Variants in MDGA1 observed in about 807,000 individuals in gnomAD.
The protein encoded by MDGA1 is MAM domain containing glycosylphosphatidylinositol anchor 1, also known as MAM domain-containing glycosylphosphatidylinositol anchor protein 1.
MDGA1 carries 54 observed loss-of-function variants against 101.5 expected under a neutral mutation model. That is an observed-to-expected ratio of 0.53 (90% CI 0.43 to 0.67). The LOEUF is 0.67. Among genes scored for constraint, MDGA1 ranks in the 30% least tolerant of loss-of-function variants. The probability of loss-of-function intolerance (pLI) is 0.00; values close to 1 mark genes in which losing one functional copy is unlikely to be tolerated. For synonymous variants in MDGA1, 533 were observed against 558.3 expected (o/e 0.95, Z 0.64); for missense variants, 1,083 against 1,323.8 (o/e 0.82, Z 2.82).
In MDGA1 at chr6:37,646,339, C is replaced by A; in HGVS notation, c.2083G>T (p.Val695Phe). 6.4e-7 allele frequency: 1 copy of A among 1,574,764 alleles called. No homozygotes were observed. The highest frequency in any genetic ancestry group is 2.3e-5 in the East Asian group (1 of 43,666). The change falls in exon 11 of 17, where the codon GTC (valine) becomes TTC (phenylalanine). Residue 695 changes from valine (V) to phenylalanine (F), a missense_variant. Physicochemically the swap from Val to Phe is conservative, Grantham distance 50. Around this residue, in one of 3 missense-constraint regions of MDGA1, gnomAD observed 657 missense variants for 771.4 expected, o/e 0.85. Transcript: ENST00000434837. ...AGCTGCCCCTTCTCCACACGCCGGA[C>A]CGGGATGGCCTTGACCACCGCATTG... is the stretch of plus-strand genomic sequence containing the variant. ...QHNAVVKAIP[V>F]RRVEKGQLLE...
intron 3 of MDGA1, among the ~76,000 whole-genome samples, chr6:37,656,902 T>A (rs1344178186): frequency 6.6e-6 from 1 of 152,170 alleles, no homozygotes; most frequent in Non-Finnish European, 1.5e-5. Flanking sequence ...CTTGGCCCTG[T>A]TTGCCCAAGA....
In MDGA1 at chr6:37,636,449, A is replaced by G. The variant is rs894727015; in HGVS notation, c.*919T>C. The G allele has an allele frequency of 6.6e-6, 1 of 152,244 alleles. No homozygotes were observed. Among genetic ancestry groups the G allele is most frequent in the Non-Finnish European group, 1.5e-5 (1 of 68,044 alleles). The allele number at this position is 152,244 out of a possible 1,614,324, so 9.4% of individuals were successfully genotyped here. On this transcript the variant is annotated 3_prime_UTR_variant, in exon 17 of 17. Coordinates refer to ENST00000434837, the MANE Select transcript of MDGA1 (RefSeq NM_153487.4). ...TCATTGTCTGATATGGGGGCACCAA[A>G]TCACAGAAGCGGGACGTCTCTTCTG... is the stretch of plus-strand genomic sequence containing the variant.
rs1031607996 is a variant in MDGA1 at position 37,636,725 on chromosome 6, T to A, written c.*643A>T. The A allele has an allele frequency of 6.5e-6, 1 of 152,688 alleles. No individual in the cohort carries two copies. The highest frequency in any genetic ancestry group is 1.5e-5 in the Non-Finnish European group (1 of 68,082). 9.5% of individuals were successfully genotyped at this position (152,688 alleles called of 1,614,324 possible). A position where few individuals can be genotyped will look rare whatever the true frequency, so the allele number is the denominator to read the frequency against. Reference sequence around the variant, plus strand: ...CAGAAATAGGTCAAGGAATCTGGGGTGACCTATGGTCTCCACCATCCAGTG... The same window carrying A: ...CAGAAATAGGTCAAGGAATCTGGGGAGACCTATGGTCTCCACCATCCAGTG... On this transcript the variant is annotated 3_prime_UTR_variant, in exon 17 of 17. Coordinates refer to ENST00000434837, the MANE Select transcript of MDGA1 (RefSeq NM_153487.4).
In MDGA1 at chr6:37,649,049, G is replaced by A; in HGVS notation, c.1827C>T (p.Ser609=). Residue 609 remains serine (S), a synonymous_variant, in exon 9 of 17, where the codon AGC becomes AGT. Transcript: ENST00000434837. ...AGACGCTGCACTCGTAGCTGCCGCT[G>A]CTGTCGCGAGTTACGGCGTCGAGGC... is the stretch of plus-strand genomic sequence containing the variant. ...ELRLDAVTRD[S]SGSYECSVSN... is the part of the protein sequence containing the mutation. 6.5e-7 allele frequency: 1 copy of A among 1,544,736 alleles called. No individual in the cohort carries two copies. Among genetic ancestry groups the A allele is most frequent in the Non-Finnish European group, 8.7e-7 (1 of 1,145,366 alleles).
rs1309671712 is a variant in MDGA1 at position 37,654,290 on chromosome 6, G to A, written c.966C>T (p.Val322=). The A allele has an allele frequency of 6.4e-7, 1 of 1,554,802 alleles. No homozygotes were observed. The highest frequency in any genetic ancestry group is 8.7e-7 in the Non-Finnish European group (1 of 1,149,704). The change falls in exon 6 of 17, where the codon GTC becomes GTT. Residue 322 remains valine (V), a synonymous_variant. Transcript: ENST00000434837. ...NNVGNPAKKT[V]NLLVRSMKNA... is the part of the protein sequence containing the mutation. ...GCCACGTACATCGCACCAGCAGGTT[G>A]ACAGTCTTCTTGGCAGGGTTGCCCA...
At chr6:37,695,497 A>C (rs922963123) in intron 1 of MDGA1, among the ~76,000 whole-genome samples, 2 of 152,214 alleles carry the variant, frequency 1.3e-5, no homozygotes, top group African/African-American at 4.8e-5. Context: ...CCAGAGAATT[A>C]AGGCCAAGCC....
At chr6:37,654,725 G>C in intron 5 of MDGA1, 75 bp downstream of exon 5, 2 of 1,591,570 alleles carry the variant, frequency 1.3e-6, no homozygotes, top group South Asian at 2.3e-5. Flanking sequence ...TGGAGTCCCT[G>C]TGGGGTGGGG....
intron 1 of MDGA1, among the ~76,000 whole-genome samples, chr6:37,673,854 T>C (rs1224552604): frequency 6.6e-6 from 1 of 152,182 alleles, no homozygotes; most frequent in Non-Finnish European, 1.5e-5. Flanking sequence ...CAACAGACTT[T>C]TGGCCCATCC....
At chr6:37,683,468 A>G (rs560195131) in intron 1 of MDGA1, among the ~76,000 whole-genome samples, 1 of 152,244 alleles carries the variant, frequency 6.6e-6, no homozygotes, top group East Asian at 1.9e-4. Context: ...CCCTCTCCTA[A>G]ACACTTCAGT....
Position 37,649,076 on chromosome 6 carries a change from C to T in MDGA1, c.1800G>A (p.Leu600=), listed in dbSNP as rs1029676320. The change falls in exon 9 of 17, where the codon CTG becomes CTA. Residue 600 remains leucine, a synonymous_variant. Coordinates refer to ENST00000434837, the MANE Select transcript of MDGA1 (RefSeq NM_153487.4). The part of the protein sequence containing the change: ...AAAEAPDHAE[L]RLDAVTRDSS... ...TGTCGCGAGTTACGGCGTCGAGGCGCAGCTCCGCGTGATCCGGCGCCTCGG... is the reference window on the plus strand; with the variant it reads ...TGTCGCGAGTTACGGCGTCGAGGCGTAGCTCCGCGTGATCCGGCGCCTCGG... 1.7e-5 allele frequency: 26 copies of T among 1,536,944 alleles called. No individual in the cohort carries two copies. Among genetic ancestry groups the T allele is most frequent in the African/African-American group, 4.2e-5 (3 of 71,466 alleles).
Position 37,697,417 on chromosome 6 carries a change from T to C in MDGA1, c.-606A>G, listed in dbSNP as rs1301221068. ...TCCTGATCCGGGGAGCAGCGCGGGC[T>C]GGGTTCGGCCGAGGGACGAGCGCCG... On this transcript the variant is annotated 5_prime_UTR_variant, in exon 1 of 17. Coordinates refer to ENST00000434837, the MANE Select transcript of MDGA1 (RefSeq NM_153487.4). 1.3e-5 allele frequency: 2 copies of C among 151,420 alleles called. No homozygotes were observed. Among genetic ancestry groups the C allele is most frequent in the African/African-American group, 4.9e-5 (2 of 41,186 alleles). The allele number at this position is 151,420 out of a possible 1,614,324, so 9.4% of individuals were successfully genotyped here.
Position 37,637,293 on chromosome 6 carries a change from G to C in MDGA1, c.*75C>G, listed in dbSNP as rs562553516. Reference sequence around the variant, plus strand: ...TGCCCCTGGGCACCCCAGCTGGCGGGGGTCAGTCTTTGGTACAATGTGGAC... The same window carrying C: ...TGCCCCTGGGCACCCCAGCTGGCGGCGGTCAGTCTTTGGTACAATGTGGAC... On this transcript the variant is annotated 3_prime_UTR_variant, in exon 17 of 17. Coordinates refer to ENST00000434837, the MANE Select transcript of MDGA1 (RefSeq NM_153487.4). 253 of 1,246,520 alleles carry C rather than the reference G, an allele frequency of 2.0e-4. 1 individual carries two copies. Among genetic ancestry groups the C allele is most frequent in the African/African-American group, 1.7e-3 (117 of 67,988 alleles). The allele number at this position is 1,246,520 out of a possible 1,614,324, so 77.2% of individuals were successfully genotyped here. A position where few individuals can be genotyped will look rare whatever the true frequency, so the allele number is the denominator to read the frequency against.
chr6:37,696,651 G>T lies in MDGA1; in HGVS notation c.67+94C>A. ...GCATCCACTCCAGAGTCCGAGTCGAGGTCTCCACCAAACCCCGGCAGCGCG... is the reference window on the plus strand; with the variant it reads ...GCATCCACTCCAGAGTCCGAGTCGATGTCTCCACCAAACCCCGGCAGCGCG... On this transcript the variant is annotated intron_variant, in intron 1 of 16. Coordinates refer to ENST00000434837, the MANE Select transcript of MDGA1 (RefSeq NM_153487.4). The surrounding 1 kb of genome is among the most constrained non-coding windows in gnomAD (Gnocchi z 5.6). 2 of 1,231,152 alleles carry T rather than the reference G, an allele frequency of 1.6e-6. No homozygotes were observed. Among genetic ancestry groups the T allele is most frequent in the Non-Finnish European group, 2.3e-6 (2 of 857,218 alleles). The allele number at this position is 1,231,152 out of a possible 1,614,324, so 76.3% of individuals were successfully genotyped here.
chr6:37,689,362 T>C (rs188371475), intron 1 of MDGA1, among the ~76,000 whole-genome samples: 4 of 152,322 alleles, frequency 2.6e-5, no homozygotes, highest in East Asian at 3.9e-4. Flanking sequence ...TCAGTGCTCA[T>C]TGTCCACCCG....
chr6:37,637,735 GGGTCCAAT>G (rs1303160359), intron 16 of MDGA1, among the ~76,000 whole-genome samples: 1 of 152,174 alleles, frequency 6.6e-6, no homozygotes, highest in Non-Finnish European at 1.5e-5. Context: ...TCTGTAAAAT[GGGTCCAAT>G]GGTGTGTACT....
At chr6:37,658,071 AGGTGTAGAT>A (rs1761532072) in intron 3 of MDGA1, among the ~76,000 whole-genome samples, 165 bp downstream of exon 3, 1 of 152,184 alleles carries the variant, frequency 6.6e-6, no homozygotes, top group African/African-American at 2.4e-5. Context: ...ACAGGTGCGA[AGGTGTAGAT>A]GGTAGAGGGT....
intron 1 of MDGA1, among the ~76,000 whole-genome samples, chr6:37,693,934 G>C (rs930854025): frequency 6.6e-6 from 1 of 152,152 alleles, no homozygotes; most frequent in East Asian, 1.9e-4. Context: ...ATGGATCCTA[G>C]GGCAGGTGGT....
At chr6:37,677,832 T>C (rs1391327022) in intron 1 of MDGA1, among the ~76,000 whole-genome samples, 7 of 152,180 alleles carry the variant, frequency 4.6e-5, no homozygotes, top group Non-Finnish European at 1.0e-4. Context: ...TCCCACAGCC[T>C]GGCAGACTCT....
intron 1 of MDGA1, among the ~76,000 whole-genome samples, chr6:37,694,532 GGA>G: frequency 6.6e-6 from 1 of 152,148 alleles, no homozygotes; most frequent in Non-Finnish European, 1.5e-5. Flanking sequence ...AGACTGCTGG[GGA>G]GGGGGGCAGA....
Sources: gnomAD v4.1 joint callset for allele counts (sites outside exome capture counted in the v4.1 genomes callset) on GRCh38, gnomAD v4.1.1 for gene constraint, gnomAD v4.1.1 regional missense constraint, Gnocchi (gnomAD v3.1) non-coding constraint, MANE v1.5 for transcripts, NCBI Gene and HGNC (gene_info 2026-07-23, HGNC 2026-07-21) for gene names.